AGMO: variants seen among roughly 807,000 people sequenced by gnomAD.
AGMO encodes glyceryl-ether monooxygenase.
AGMO carries 75 observed loss-of-function variants against 60.2 expected under a neutral mutation model. That is an observed-to-expected ratio of 1.25 (90% CI 1.03 to 1.51). AGMO has a LOEUF of 1.51. Ranked by LOEUF, AGMO falls within the 40% of genes most tolerant of loss-of-function variation. AGMO has a pLI of 0.00. For synonymous variants in AGMO, 261 were observed against 177.1 expected (o/e 1.47, Z -3.76); for missense variants, 763 against 525.5 (o/e 1.45, Z -4.42).
the AGMO span, among the ~76,000 whole-genome samples, chr7:15,143,685 TGTC>T: frequency 4.2e-5 from 6 of 143,892 alleles, no homozygotes; most frequent in African/African-American, 1.2e-4. Flanking sequence ...TGTTTTGTTT[TGTC>T]TTTTTTTTTT....
chr7:15,453,608 T>TA (rs984380881), intron 3 of AGMO, among the ~76,000 whole-genome samples: 6 of 152,144 alleles, frequency 3.9e-5, no homozygotes, highest in South Asian at 4.1e-4. Flanking sequence ...TTTCTCCGGG[T>TA]AAAAAAACTT....
At chr7:15,557,961 C>T (rs962587200) in intron 2 of AGMO, among the ~76,000 whole-genome samples, 3 of 150,080 alleles carry the variant, frequency 2.0e-5, no homozygotes, top group African/African-American at 7.4e-5. Flanking sequence ...ATGTTCTATC[C>T]CTGAAGGACT....
At chr7:15,393,026 C>A (rs887008277) in intron 6 of AGMO, among the ~76,000 whole-genome samples, 17 of 152,182 alleles carry the variant, frequency 1.1e-4, no homozygotes, top group African/African-American at 3.9e-4. Flanking sequence ...TATGGGTTCT[C>A]AAGGTATGAT....
chr7:15,396,462 G>C (rs1374424428), intron 5 of AGMO: 1 of 152,232 alleles, frequency 6.6e-6, no homozygotes, highest in Non-Finnish European at 1.5e-5. Context: ...TTCCGGGTGA[G>C]CATTACAGCT....
At chr7:15,201,910 A>T (rs1442544372) in intron 12 of AGMO, among the ~76,000 whole-genome samples, 1 of 152,168 alleles carries the variant, frequency 6.6e-6, no homozygotes, top group Non-Finnish European at 1.5e-5. Flanking sequence ...CACACTGAAG[A>T]CTTAACTGAA....
chr7:15,475,689 TA>T (rs1211219122), intron 3 of AGMO, among the ~76,000 whole-genome samples: 5 of 150,958 alleles, frequency 3.3e-5, no homozygotes, highest in South Asian at 2.1e-4. Context: ...AGTATAATTT[TA>T]AAAAAAAAGA....
At chr7:15,507,472 C>T (rs1314521497) in intron 3 of AGMO, among the ~76,000 whole-genome samples, 4 of 151,928 alleles carry the variant, frequency 2.6e-5, no homozygotes, top group African/African-American at 9.7e-5. Context: ...TTAGCTATAC[C>T]ACAGGGAAGG....
intron 3 of AGMO, among the ~76,000 whole-genome samples, chr7:15,490,412 G>A (rs1783039779): frequency 6.6e-6 from 1 of 151,726 alleles, no homozygotes; most frequent in Non-Finnish European, 1.5e-5. Context: ...CTTTCACAGA[G>A]ATCATTCTTA....
chr7:15,322,723 AATATATAT>A, intron 12 of AGMO, among the ~76,000 whole-genome samples: 1 of 68,492 alleles, frequency 1.5e-5, no homozygotes, highest in Admixed American at 2.0e-4. Flanking sequence ...TAAATATATA[AATATATAT>A]ATAAATATAT....
At chr7:15,246,081 T>C (rs1336320247) in intron 12 of AGMO, among the ~76,000 whole-genome samples, 1 of 152,212 alleles carries the variant, frequency 6.6e-6, no homozygotes, top group African/African-American at 2.4e-5. Flanking sequence ...GCTCCTCTGT[T>C]TCATCACAAA....
At chr7:15,496,404 G>C (rs539436986) in intron 3 of AGMO, among the ~76,000 whole-genome samples, 176 of 152,188 alleles carry the variant, frequency 1.2e-3, no homozygotes, top group African/African-American at 4.0e-3. Flanking sequence ...TCTTTTCAGA[G>C]AAAAGGGCAG....
Position 15,354,387 on chromosome 7 carries a change from T to C in AGMO, c.1263+11127A>G, listed in dbSNP as rs1230275844. Among the ~76,000 whole-genome samples the C allele has an allele frequency of 7.9e-3, 301 of 38,136 alleles. 22 individuals carry two copies. The highest frequency in any genetic ancestry group is 0.027 in the Middle Eastern group (2 of 74). 25.0% of individuals were successfully genotyped at this position (38,136 alleles called of 152,430 possible). ...GTATATAGACGTGTGTATACACGTG[T>C]GTGTATACACGTGTGTGTACACACG... On this transcript the variant is annotated intron_variant, in intron 12 of 12. Coordinates refer to ENST00000342526, the MANE Select transcript of AGMO (RefSeq NM_001004320.2).
intron 12 of AGMO, among the ~76,000 whole-genome samples, chr7:15,303,174 T>C (rs953674375): frequency 6.6e-6 from 1 of 152,094 alleles, no homozygotes; most frequent in East Asian, 1.9e-4. Context: ...GCGGCACAGA[T>C]GCAGAGAGAA....
At chr7:15,428,753 T>C (rs1211904664) in intron 4 of AGMO, among the ~76,000 whole-genome samples, 1 of 152,082 alleles carries the variant, frequency 6.6e-6, no homozygotes, top group African/African-American at 2.4e-5. Flanking sequence ...CCTCAGGTAA[T>C]TAATTAACTG....
chr7:15,540,610 G>C (rs558522297), intron 3 of AGMO, among the ~76,000 whole-genome samples: 1 of 152,286 alleles, frequency 6.6e-6, no homozygotes, highest in African/African-American at 2.4e-5. Context: ...AAGAAGAATA[G>C]ATTTGGATAA....
At chr7:15,273,303 C>T (rs143840559) in intron 12 of AGMO, among the ~76,000 whole-genome samples, 3,351 of 152,126 alleles carry the variant, frequency 0.022, 122 homozygotes, top group African/African-American at 0.077. Flanking sequence ...TTAATTTCTG[C>T]ATAAGGTGTA....
intron 3 of AGMO, among the ~76,000 whole-genome samples, chr7:15,540,605 G>C (rs1784600792): frequency 6.6e-6 from 1 of 152,170 alleles, no homozygotes; most frequent in East Asian, 1.9e-4. Context: ...GGGCAAAGAA[G>C]AATAGATTTG....
chr7:15,419,985 T>C (rs754469102), intron 4 of AGMO, among the ~76,000 whole-genome samples: 3 of 152,132 alleles, frequency 2.0e-5, no homozygotes, highest in Non-Finnish European at 4.4e-5. Flanking sequence ...AAAACATATA[T>C]GGCCTATGAT....
chr7:15,428,576 T>C (rs557627552), intron 4 of AGMO, among the ~76,000 whole-genome samples: 2 of 152,244 alleles, frequency 1.3e-5, no homozygotes, highest in South Asian at 2.1e-4. Context: ...GAGATTACAA[T>C]AAACTGGACT....
Sources: allele counts gnomAD v4.1 joint callset (sites outside exome capture counted in the v4.1 genomes callset), GRCh38; gene constraint gnomAD v4.1.1; transcripts MANE v1.5; gene names NCBI Gene and HGNC (gene_info 2026-07-23, HGNC 2026-07-21).